FUBP3: variants seen among roughly 807,000 people sequenced by gnomAD.
FUBP3 encodes far upstream element-binding protein 3.
A neutral mutation model predicts 85.6 loss-of-function variants in FUBP3; 28 were observed. That is an observed-to-expected ratio of 0.33 (90% CI 0.24 to 0.45). FUBP3 has a LOEUF of 0.45. Ranked by LOEUF, FUBP3 falls within the 20% of genes least tolerant of loss-of-function variation. The pLI, the probability that FUBP3 is intolerant of heterozygous loss-of-function variation, is 1.00. For missense variants in FUBP3, 583 were observed against 755.1 expected (o/e 0.77, Z 2.67); for synonymous variants, 271 against 271.4 (o/e 1.00, Z 0.01).
rs1829848580 is a variant in FUBP3, at chr9:130,623,663, G to T, written c.927G>T (p.Arg309=). The T allele has an allele frequency of 6.2e-7, 1 of 1,614,006 alleles. No individual in the cohort carries two copies. The highest frequency in any genetic ancestry group is 1.7e-5 in the Admixed American group (1 of 60,018). The change falls in exon 11 of 19, where the codon CGG becomes CGT. Residue 309 remains arginine, a synonymous_variant. Transcript: ENST00000319725. The part of the protein sequence containing the change: ...RAAQVMGPPD[R]CQHAAHIISE... ...CCCAGGTCATGGGCCCTCCGGATCG[G>T]TGTCAGCATGCAGCGCATATCATCA...
intron 9 of FUBP3, among the ~76,000 whole-genome samples, chr9:130,621,675 G>A (rs914128683): frequency 1.1e-4 from 17 of 152,166 alleles, no homozygotes; most frequent in African/African-American, 4.1e-4. Context: ...GGGAGGCAGA[G>A]GCGGGTGGAT....
At position 130,616,774 on chromosome 9, in the gene FUBP3, G is replaced by T. The variant is rs995940191; in HGVS notation, c.567+257G>T. Among the ~76,000 whole-genome samples, 1 of 152,246 alleles carries T rather than the reference G, an allele frequency of 6.6e-6. No homozygotes were observed. Among genetic ancestry groups the T allele is most frequent in the Admixed American group, 6.5e-5 (1 of 15,290 alleles). ...CAGTGAACTTTGAGCAGCCTTTTTG[G>T]CAGTGAGCTCTGTGAGGGCTGCTTT... is the stretch of plus-strand genomic sequence containing the variant. On this transcript the variant is annotated intron_variant, in intron 7 of 18. Transcript: ENST00000319725. This position sits in a 1 kb window ranked among gnomAD's most constrained non-coding sequence, Gnocchi z 4.7.
At chr9:130,625,449 C>G (rs1829932467) in intron 11 of FUBP3, among the ~76,000 whole-genome samples, 2 of 152,228 alleles carry the variant, frequency 1.3e-5, no homozygotes, top group African/African-American at 4.8e-5. Flanking sequence ...GTTCACTTTA[C>G]TCTTAATCAA....
chr9:130,602,524 C>T (rs1262963411), intron 2 of FUBP3, among the ~76,000 whole-genome samples: 1 of 152,072 alleles, frequency 6.6e-6, no homozygotes. Context: ...TGCCCGGACC[C>T]CTGCCTGTGA....
At chr9:130,580,935 C>T (rs1830107719) in intron 1 of FUBP3, 1 of 152,244 alleles carries the variant, frequency 6.6e-6, no homozygotes, top group African/African-American at 2.4e-5. Flanking sequence ...ACTTAGACTT[C>T]AGATCCACCC....
chr9:130,590,021 A>ATTTTTTTTTTT (rs60878897), intron 1 of FUBP3, among the ~76,000 whole-genome samples: 4 of 45,992 alleles, frequency 8.7e-5, no homozygotes, highest in African/African-American at 1.9e-4. Flanking sequence ...GGCCTATTTA[A>ATTTTTTTTTTT]TTTTTTTTTT....
At chr9:130,604,282 ATTG>A in intron 2 of FUBP3, among the ~76,000 whole-genome samples, 1 of 152,284 alleles carries the variant, frequency 6.6e-6, no homozygotes, top group Non-Finnish European at 1.5e-5. Flanking sequence ...TAAACTCCTT[ATTG>A]TTGTAGATAA....
At chr9:130,589,404 C>G (rs987309802) in intron 1 of FUBP3, among the ~76,000 whole-genome samples, 1 of 145,292 alleles carries the variant, frequency 6.9e-6, no homozygotes, top group African/African-American at 2.4e-5. Flanking sequence ...AGTGCAATGG[C>G]TCGATCTCGG....
intron 7 of FUBP3, among the ~76,000 whole-genome samples, chr9:130,617,488 C>T (rs1214599053): frequency 6.6e-6 from 1 of 152,232 alleles, no homozygotes; most frequent in African/African-American, 2.4e-5. Flanking sequence ...AAGTTCTAAT[C>T]ACATAATGTC....
In FUBP3 at chr9:130,623,689, G is replaced by A. The variant is rs1326130271; in HGVS notation, c.953G>A (p.Ser318Asn). The A allele has an allele frequency of 6.2e-7, 1 of 1,613,324 alleles. No individual in the cohort carries two copies. The highest frequency in any genetic ancestry group is 2.2e-5 in the East Asian group (1 of 44,872). The change falls in exon 11 of 19, where the codon AGC becomes AAC. Residue 318 changes from serine (S) to asparagine (N), a missense_variant. By Grantham distance (46) the Ser-to-Asn change is conservative. This residue lies in a region of FUBP3 where 404 missense variants were observed against 516.8 expected (regional missense o/e 0.78). Transcript: ENST00000319725. Reference protein sequence around the residue: ...DRCQHAAHIISELILTAQERD... With the variant: ...DRCQHAAHIINELILTAQERD... ...TGTCAGCATGCAGCGCATATCATCAGCGAGCTGATTCTTACAGCCCAGGTG... is the reference window on the plus strand; with the variant it reads ...TGTCAGCATGCAGCGCATATCATCAACGAGCTGATTCTTACAGCCCAGGTG...
rs1163885109 is a variant in FUBP3 at position 130,579,577 on chromosome 9, C to T, written c.-104C>T. On this transcript the variant is annotated 5_prime_UTR_variant, in exon 1 of 19. Transcript: ENST00000319725. ...TTCCGCCGGAAGTAGGGCGACTTTC[C>T]TTTTCCGGCTACGGGTCCCCAAGCG... 2.8e-6 allele frequency: 2 copies of T among 718,704 alleles called. No homozygotes were observed. The highest frequency in any genetic ancestry group is 1.4e-4 in the South Asian group (2 of 14,318). 44.5% of individuals were successfully genotyped at this position (718,704 alleles called of 1,614,324 possible).
intron 16 of FUBP3, among the ~76,000 whole-genome samples, chr9:130,633,785 C>T (rs146061468): frequency 8.5e-5 from 13 of 152,318 alleles, no homozygotes; most frequent in East Asian, 1.9e-4. Flanking sequence ...TCCTTCCTCC[C>T]GCTGCTTGCT....
intron 1 of FUBP3, among the ~76,000 whole-genome samples, chr9:130,589,705 A>ATATATTTTT (rs1414691549): frequency 4.1e-5 from 3 of 73,830 alleles, no homozygotes; most frequent in African/African-American, 2.3e-4. Context: ...ATATATATAT[A>ATATATTTTT]TTTTTTTTTT....
intron 5 of FUBP3, among the ~76,000 whole-genome samples, chr9:130,613,668 T>C (rs1348674240): frequency 1.3e-5 from 2 of 152,258 alleles, no homozygotes; most frequent in African/African-American, 4.8e-5. Context: ...AGATACTTAT[T>C]ACAGTGTCTT....
At chr9:130,634,276 C>T (rs933434434) in intron 16 of FUBP3, among the ~76,000 whole-genome samples, 1 of 152,208 alleles carries the variant, frequency 6.6e-6, no homozygotes, top group African/African-American at 2.4e-5. Context: ...CCTCCACTTC[C>T]CTTGGTCCAG....
intron 1 of FUBP3, among the ~76,000 whole-genome samples, chr9:130,593,947 C>G (rs1210022554): frequency 6.6e-6 from 1 of 152,206 alleles, no homozygotes; most frequent in Non-Finnish European, 1.5e-5. Flanking sequence ...TATGTTCTGT[C>G]CTTTCACTGA....
intron 8 of FUBP3, among the ~76,000 whole-genome samples, chr9:130,619,793 G>A (rs1042350703): frequency 2.0e-5 from 3 of 152,228 alleles, no homozygotes; most frequent in Non-Finnish European, 4.4e-5. Flanking sequence ...AGTCTCACCA[G>A]TAGGTTATAG....
At chr9:130,596,744 GTTAAC>G (rs1312255453) in intron 2 of FUBP3, 23 of 338,568 alleles carry the variant, frequency 6.8e-5, no homozygotes, top group East Asian at 1.1e-4. Context: ...GTTCTTTTTA[GTTAAC>G]TTAAGAGTTG....
At chr9:130,618,077 C>T (rs1832098603) in intron 8 of FUBP3, among the ~76,000 whole-genome samples, 182 bp downstream of exon 8, 1 of 152,150 alleles carries the variant, frequency 6.6e-6, no homozygotes, top group Non-Finnish European at 1.5e-5. Context: ...AAACCAGAGT[C>T]CTTAGCTACT....
Sources: gnomAD v4.1 joint callset for allele counts (sites outside exome capture counted in the v4.1 genomes callset) on GRCh38, gnomAD v4.1.1 for gene constraint, gnomAD v4.1.1 regional missense constraint, Gnocchi (gnomAD v3.1) non-coding constraint, MANE v1.5 for transcripts, NCBI Gene and HGNC (gene_info 2026-07-23, HGNC 2026-07-21) for gene names.